The following CAST variants were observed in gnomAD, a reference collection of about 807,000 sequenced individuals.
CAST encodes the protein calpastatin.
In CAST, 76 loss-of-function variants were observed where a neutral mutation model predicts 119.6. The ratio of observed to expected loss-of-function variants is 0.64; its 90% CI spans 0.53 to 0.77. The LOEUF (loss-of-function observed/expected upper bound fraction) is 0.77, where lower values mean the gene tolerates loss of function less well. CAST is among the 30% of genes least tolerant of loss of function. The probability of loss-of-function intolerance (pLI) is 0.00; values close to 1 mark genes in which losing one functional copy is unlikely to be tolerated. For synonymous variants in CAST, 319 were observed against 331.6 expected (o/e 0.96, Z 0.41); for missense variants, 953 against 946.5 (o/e 1.01, Z -0.09).
chr5:96,315,947 G>A, the CAST span, among the ~76,000 whole-genome samples: 3 of 152,278 alleles, frequency 2.0e-5, no homozygotes, highest in East Asian at 5.8e-4. Context: ...GAGAGAAGCT[G>A]TTGTGGACCA....
the CAST span, among the ~76,000 whole-genome samples, chr5:96,074,347 A>C: frequency 0.27 from 40,863 of 152,106 alleles, 6,203 homozygotes; most frequent in Middle Eastern, 0.36. Flanking sequence ...GGAGGTAATT[A>C]GGTTTAGATG....
the CAST span, chr5:96,213,648 G>A: frequency 6.6e-6 from 1 of 152,130 alleles, no homozygotes; most frequent in Non-Finnish European, 1.5e-5. Context: ...TATATAAGCT[G>A]GGTGTGATGG....
At chr5:96,617,429 T>C (rs987522672) in intron 1 of CAST, among the ~76,000 whole-genome samples, 12 of 152,172 alleles carry the variant, frequency 7.9e-5, no homozygotes, top group Admixed American at 7.9e-4. Context: ...GGGACAGAGC[T>C]TGGACATTAT....
At chr5:96,185,489 A>G in the CAST span, among the ~76,000 whole-genome samples, 43 of 152,292 alleles carry the variant, frequency 2.8e-4, no homozygotes, top group African/African-American at 9.1e-4. Flanking sequence ...TGGGTTTTAC[A>G]TTGAAGTCTT....
the CAST span, among the ~76,000 whole-genome samples, chr5:96,416,276 T>C: frequency 6.6e-6 from 1 of 152,254 alleles, no homozygotes; most frequent in African/African-American, 2.4e-5. Flanking sequence ...ATAAAACTTA[T>C]GTTCAGATGA....
At chr5:96,410,313 T>C in the CAST span, among the ~76,000 whole-genome samples, 1 of 152,132 alleles carries the variant, frequency 6.6e-6, no homozygotes, top group African/African-American at 2.4e-5. Flanking sequence ...TTCCTGCAGG[T>C]CATCCATTCT....
At chr5:96,505,349 G>C in the CAST span, among the ~76,000 whole-genome samples, 1 of 151,984 alleles carries the variant, frequency 6.6e-6, no homozygotes, top group African/African-American at 2.4e-5. Context: ...GCATGGTGGC[G>C]GGTGCCTGTA....
the CAST span, among the ~76,000 whole-genome samples, chr5:96,176,873 G>C: frequency 2.6e-5 from 4 of 152,156 alleles, no homozygotes; most frequent in African/African-American, 4.8e-5. Flanking sequence ...GTTTTGCAGA[G>C]ATTCTTTAAT....
chr5:96,596,992 C>T (rs545880204), intron 1 of CAST, among the ~76,000 whole-genome samples: 80 of 152,214 alleles, frequency 5.3e-4, no homozygotes, highest in African/African-American at 1.7e-3. Flanking sequence ...ACCTCTATGA[C>T]CTCATTTAAC....
At chr5:96,254,778 G>T in the CAST span, among the ~76,000 whole-genome samples, 1 of 152,024 alleles carries the variant, frequency 6.6e-6, no homozygotes, top group Admixed American at 6.6e-5. Flanking sequence ...AGGAATATTT[G>T]ATTTTATTTT....
chr5:96,092,455 A>G, the CAST span, among the ~76,000 whole-genome samples: 2 of 152,230 alleles, frequency 1.3e-5, no homozygotes, highest in African/African-American at 4.8e-5. Flanking sequence ...CATTCAATAT[A>G]CATCCTCAAC....
intron 3 of CAST, among the ~76,000 whole-genome samples, chr5:96,720,756 A>C (rs1758087618): frequency 6.6e-6 from 1 of 152,376 alleles, no homozygotes; most frequent in East Asian, 1.9e-4. Context: ...TAAAGTAACA[A>C]GGCAGGCTGG....
At chr5:96,067,695 T>C in the CAST span, among the ~76,000 whole-genome samples, 4 of 152,130 alleles carry the variant, frequency 2.6e-5, no homozygotes, top group Non-Finnish European at 4.4e-5. Context: ...CTGTCAGTTA[T>C]AGGGACTATT....
chr5:96,357,350 C>G, the CAST span, among the ~76,000 whole-genome samples: 1 of 152,264 alleles, frequency 6.6e-6, no homozygotes, highest in African/African-American at 2.4e-5. Flanking sequence ...TTGCCCTGGT[C>G]AGAACTTCCA....
chr5:96,041,605 A>G, the CAST span, among the ~76,000 whole-genome samples: 1 of 152,160 alleles, frequency 6.6e-6, no homozygotes, highest in Non-Finnish European at 1.5e-5. Context: ...ACTATAATAA[A>G]TGTACCACAC....
intron 1 of CAST, among the ~76,000 whole-genome samples, chr5:96,532,527 C>A (rs1745708017): frequency 6.6e-6 from 1 of 152,096 alleles, no homozygotes; most frequent in Non-Finnish European, 1.5e-5. Flanking sequence ...CCAGCCTGGG[C>A]AACATAGTGA....
At chr5:96,746,216 G>T (rs532029162) in intron 16 of CAST, 126 bp from the exon 17 acceptor site, 25 of 668,298 alleles carry the variant, frequency 3.7e-5, no homozygotes, top group Non-Finnish European at 5.5e-5. Context: ...AGTTTACAAG[G>T]CTCTTCCAGA....
At chr5:96,672,461 A>G (rs1383317708) in intron 1 of CAST, among the ~76,000 whole-genome samples, 1 of 152,140 alleles carries the variant, frequency 6.6e-6, no homozygotes, top group African/African-American at 2.4e-5. Context: ...TGTAATCCCA[A>G]CGCTTTGGGA....
rs572305303 is a variant in CAST, at chr5:96,770,514, C to T, written c.2269-17C>T. The stretch of plus-strand genomic sequence containing the variant: ...ATTGGTGATAGCCATAGCCTCATTA[C>T]ATTTCCTTTGCTTTAGGATAAGTGC... On this transcript the variant is annotated splice_polypyrimidine_tract_variant and intron_variant, in intron 29 of 31. Transcript: ENST00000675179. 3.8e-6 allele frequency: 6 copies of T among 1,585,872 alleles called. No individual in the cohort carries two copies. The highest frequency in any genetic ancestry group is 5.2e-6 in the Non-Finnish European group (6 of 1,154,776).
Sources: gnomAD v4.1 joint callset for allele counts (sites outside exome capture counted in the v4.1 genomes callset) on GRCh38, gnomAD v4.1.1 for gene constraint, MANE v1.5 for transcripts, NCBI Gene and HGNC (gene_info 2026-07-23, HGNC 2026-07-21) for gene names.